The following REPS1 variants were observed in gnomAD, a reference collection of about 807,000 sequenced individuals.
REPS1 encodes ralBP1-associated Eps domain-containing protein 1.
A neutral mutation model predicts 100.9 loss-of-function variants in REPS1; 39 were observed. The observed-to-expected ratio is 0.39, with a 90% CI of 0.30 to 0.50. REPS1 has a LOEUF of 0.50. Ranked by LOEUF, REPS1 falls within the 20% of genes least tolerant of loss-of-function variation. REPS1 has a pLI of 0.86. For synonymous variants in REPS1, 324 were observed against 340.3 expected (o/e 0.95, Z 0.53); for missense variants, 821 against 968.5 (o/e 0.85, Z 2.02).
intron 8 of REPS1, among the ~76,000 whole-genome samples, chr6:138,936,782 T>C (rs1781877463): frequency 6.6e-6 from 1 of 152,146 alleles, no homozygotes; most frequent in Non-Finnish European, 1.5e-5. Context: ...AAGATATACA[T>C]ATAAGCATGT....
intron 1 of REPS1, among the ~76,000 whole-genome samples, chr6:138,985,644 G>A (rs1012798807): frequency 1.3e-5 from 2 of 152,138 alleles, no homozygotes; most frequent in African/African-American, 4.8e-5. Flanking sequence ...TCTGCTCCAG[G>A]GAGTTCCAAC....
At chr6:138,947,041 T>TCTCTCTCTTG (rs1424042114) in intron 2 of REPS1, among the ~76,000 whole-genome samples, 746 of 26,516 alleles carry the variant, frequency 0.028, 10 homozygotes, top group African/African-American at 0.073. Context: ...CCTTGCTCTC[T>TCTCTCTCTTG]CTCTCTCTCT....
At chr6:138,969,843 G>T (rs995306317) in intron 1 of REPS1, among the ~76,000 whole-genome samples, 1 of 146,986 alleles carries the variant, frequency 6.8e-6, no homozygotes, top group Admixed American at 6.8e-5. Context: ...AAAGAAAGAG[G>T]TTACTGTGAA....
chr6:138,934,601 C>T (rs955560667), intron 8 of REPS1, among the ~76,000 whole-genome samples: 3 of 152,276 alleles, frequency 2.0e-5, no homozygotes, highest in African/African-American at 7.2e-5. Flanking sequence ...TGTTTTTATT[C>T]TAGCTTTGTA....
intron 8 of REPS1, among the ~76,000 whole-genome samples, chr6:138,940,835 C>G (rs1215193094): frequency 2.0e-5 from 3 of 151,328 alleles, no homozygotes; most frequent in Admixed American, 6.6e-5. Flanking sequence ...GTTAACAACA[C>G]AGCATTCTCT....
intron 4 of REPS1, 145 bp from the exon 5 acceptor site, chr6:138,944,767 A>G: frequency 1.5e-6 from 1 of 687,560 alleles, no homozygotes; most frequent in Non-Finnish European, 2.4e-6. Flanking sequence ...TACCTCATTT[A>G]AATATCTTCA....
chr6:138,945,796 A>G (rs1782575522), intron 2 of REPS1, 99 bp from the exon 3 acceptor site: 4 of 1,003,732 alleles, frequency 4.0e-6, no homozygotes, highest in Admixed American at 3.2e-5. Context: ...TTTTGTAAAA[A>G]TGGATACAGA....
chr6:138,945,507 A>C lies in REPS1; in HGVS notation c.468T>G (p.Asp156Glu), dbSNP rs1468585721. The C allele has an allele frequency of 3.7e-6, 6 of 1,601,846 alleles. No homozygotes were observed. Among genetic ancestry groups the C allele is most frequent in the Non-Finnish European group, 5.1e-6 (6 of 1,174,824 alleles). The change falls in exon 3 of 20, where the codon GAT (aspartate) becomes GAG (glutamate). Residue 156 changes from aspartate to glutamate, a missense_variant. This residue lies in a region of REPS1 where 757 missense variants were observed against 866.4 expected (regional missense o/e 0.87). Coordinates refer to ENST00000450536, the MANE Select transcript of REPS1 (RefSeq NM_001286611.2). Reference sequence around the variant, plus strand: ...TTTACATGCATGTGATTACCTGTGCATCTGCAGATGTACGAGGCTGAACCG... The same window carrying C: ...TTTACATGCATGTGATTACCTGTGCCTCTGCAGATGTACGAGGCTGAACCG... ...HDTVQPRTSA[D>E]AQEPASPVVS...
intron 1 of REPS1, among the ~76,000 whole-genome samples, chr6:138,973,052 TACCCTC>T (rs1784421166): frequency 6.6e-6 from 1 of 152,128 alleles, no homozygotes; most frequent in Non-Finnish European, 1.5e-5. Flanking sequence ...GGCTAAAACT[TACCCTC>T]AAATTTTTTG....
chr6:138,943,458 C>T, intron 7 of REPS1, 55 bp downstream of exon 7: 1 of 1,088,612 alleles, frequency 9.2e-7, no homozygotes, highest in Non-Finnish European at 1.4e-6. Context: ...AATCTATCTG[C>T]TAGAAACTCC....
Position 138,941,303 on chromosome 6 carries a change from T to TA in REPS1, c.1135+31_1135+32insT, listed in dbSNP as rs773867688. 3.7e-6 allele frequency: 6 copies of TA among 1,609,292 alleles called. No homozygotes were observed. In the African/African-American group the frequency reaches 8.0e-5, roughly 21 times the overall value. On this transcript the variant is annotated intron_variant, in intron 8 of 19. Coordinates refer to ENST00000450536, the MANE Select transcript of REPS1 (RefSeq NM_001286611.2). Reference sequence around the variant, plus strand: ...ATCAAGCATTATGTTTATCAAGGCATGCAAACAGCTCTCTTCAGCTCCCAA... The same window carrying TA: ...ATCAAGCATTATGTTTATCAAGGCATAGCAAACAGCTCTCTTCAGCTCCCAA...
In REPS1 at chr6:138,912,862, G is replaced by C. The variant is rs1347339575; in HGVS notation, c.1874C>G (p.Pro625Arg). 2 of 1,614,076 alleles carry C rather than the reference G, an allele frequency of 1.2e-6. No homozygotes were observed. The change falls in exon 16 of 20, where the codon CCA (proline) becomes CGA (arginine). Residue 625 changes from proline to arginine, a missense_variant. Pro to Arg is a moderately radical substitution (Grantham distance 103, BLOSUM62 -2). This residue lies in a region of REPS1 where 757 missense variants were observed against 866.4 expected (regional missense o/e 0.87). Coordinates refer to ENST00000450536, the MANE Select transcript of REPS1 (RefSeq NM_001286611.2). ...AAACTGACTGAAATCTGCAAAATTTGGTTGCTCTGGTATCTGCTGAGGTGA... is the reference window on the plus strand; with the variant it reads ...AAACTGACTGAAATCTGCAAAATTTCGTTGCTCTGGTATCTGCTGAGGTGA... Reference protein sequence around the residue: ...STSPQQIPEQPNFADFSQFEV... With the variant: ...STSPQQIPEQRNFADFSQFEV...
chr6:138,969,859 ATTTTTTTTTTT>A (rs56070030), intron 1 of REPS1, among the ~76,000 whole-genome samples: 4 of 94,636 alleles, frequency 4.2e-5, no homozygotes, highest in Non-Finnish European at 7.8e-5. Flanking sequence ...GTGAATTGGG[ATTTTTTTTTTT>A]TTTTTTTTTT....
intron 19 of REPS1, among the ~76,000 whole-genome samples, chr6:138,906,900 G>A (rs1195986116): frequency 1.3e-5 from 2 of 152,048 alleles, no homozygotes; most frequent in Non-Finnish European, 2.9e-5. Flanking sequence ...GGAACCATAA[G>A]CAATTCTGGG....
intron 15 of REPS1, 24 bp from the exon 16 acceptor site, chr6:138,912,974 GA>G (rs748418747): frequency 1.9e-5 from 30 of 1,583,242 alleles, no homozygotes; most frequent in Non-Finnish European, 2.5e-5. Context: ...CAGAACAGAG[GA>G]ACACACATTC....
chr6:138,907,629 C>T (rs755663448), intron 18 of REPS1, 29 bp from the exon 19 acceptor site: 48 of 1,332,450 alleles, frequency 3.6e-5, no homozygotes, highest in Non-Finnish European at 4.6e-5. Flanking sequence ...CAAAAAAACC[C>T]ATAACCTTCA....
At position 138,980,201 on chromosome 6, in the gene REPS1, T is replaced by C. The variant is rs528835712; in HGVS notation, c.153+7329A>G. On this transcript the variant is annotated intron_variant, in intron 1 of 19. Coordinates refer to ENST00000450536, the MANE Select transcript of REPS1 (RefSeq NM_001286611.2). ...CACAGATGTCCACTGCTCTCTATCC[T>C]ACTGCCACCTCGCTAATCTAAGCCA... Among the ~76,000 whole-genome samples the C allele has an allele frequency of 2.0e-5, 3 of 152,328 alleles. No homozygotes were observed. In the East Asian group the frequency reaches 5.8e-4, roughly 29 times the overall value.
At chr6:138,941,303 T>C (rs756732716) in intron 8 of REPS1, 32 bp downstream of exon 8, 10 of 1,609,174 alleles carry the variant, frequency 6.2e-6, no homozygotes, top group South Asian at 1.1e-5. Flanking sequence ...TATCAAGGCA[T>C]GCAAACAGCT....
intron 19 of REPS1, among the ~76,000 whole-genome samples, chr6:138,905,513 G>C (rs1162691656): frequency 1.3e-5 from 2 of 149,760 alleles, no homozygotes; most frequent in Non-Finnish European, 3.0e-5. Context: ...GGATGGTCTC[G>C]ATCTCCTGAC....
Sources: allele counts gnomAD v4.1 joint callset (sites outside exome capture counted in the v4.1 genomes callset), GRCh38; gene constraint gnomAD v4.1.1; regional missense constraint gnomAD v4.1.1; transcripts MANE v1.5; gene names NCBI Gene and HGNC (gene_info 2026-07-23, HGNC 2026-07-21).